MAML2: variants seen among roughly 807,000 people sequenced by gnomAD.
MAML2 encodes mastermind like transcriptional coactivator 2.
In MAML2, 22 loss-of-function variants were observed where a neutral mutation model predicts 96.1. The ratio of observed to expected loss-of-function variants is 0.23; its 90% CI spans 0.16 to 0.33. The LOEUF is 0.33. MAML2 is among the 10% of genes least tolerant of loss of function. The pLI, the probability that MAML2 is intolerant of heterozygous loss-of-function variation, is 1.00. For missense variants in MAML2, 1,367 were observed against 1,392.4 expected (o/e 0.98, Z 0.29); for synonymous variants, 561 against 521.3 (o/e 1.08, Z -1.04).
intron 1 of MAML2, among the ~76,000 whole-genome samples, chr11:96,215,358 C>T (rs1370393248): frequency 6.6e-6 from 1 of 152,188 alleles, no homozygotes; most frequent in African/African-American, 2.4e-5. Context: ...TCTTTAACAC[C>T]AGCATATAAC....
chr11:96,311,205 T>G (rs1057143025), intron 1 of MAML2, among the ~76,000 whole-genome samples: 1 of 152,236 alleles, frequency 6.6e-6, no homozygotes, highest in Non-Finnish European at 1.5e-5. Flanking sequence ...TATGTTTACA[T>G]TGGCTAGGAG....
rs375883407 is a variant in MAML2 at position 96,100,221 on chromosome 11, A to T, written c.514-6704T>A. On this transcript the variant is annotated intron_variant, in intron 1 of 4. Transcript: ENST00000524717. ...ATGAATTTCAGTAACTCGTACTTTC[A>T]CTCCTTCAAGAAAACATGTGAGGTG... Among the ~76,000 whole-genome samples, 25 of 151,172 alleles carry T rather than the reference A, an allele frequency of 1.7e-4. 2 individuals are homozygous for T. In the South Asian group the frequency reaches 5.3e-3, roughly 32 times the overall value.
chr11:96,113,644 G>A (rs369632656), intron 1 of MAML2, among the ~76,000 whole-genome samples: 2 of 150,718 alleles, frequency 1.3e-5, no homozygotes, highest in Non-Finnish European at 3.0e-5. Context: ...AGAAAGGAAC[G>A]TGTTTTTCTA....
intron 2 of MAML2, among the ~76,000 whole-genome samples, chr11:96,002,738 G>T (rs1295906058): frequency 5.5e-5 from 8 of 145,914 alleles, no homozygotes; most frequent in Non-Finnish European, 9.0e-5. Context: ...TGATAAGAAA[G>T]ATGATCGGGA....
At chr11:96,298,917 C>A (rs922936763) in intron 1 of MAML2, among the ~76,000 whole-genome samples, 1 of 145,754 alleles carries the variant, frequency 6.9e-6, no homozygotes, top group Admixed American at 6.9e-5. Context: ...TGGTGGCGGG[C>A]GCCTGTAGTC....
chr11:96,029,907 T>A (rs575107791), intron 2 of MAML2, among the ~76,000 whole-genome samples: 1 of 152,170 alleles, frequency 6.6e-6, no homozygotes, highest in African/African-American at 2.4e-5. Context: ...CTGGAAAAAG[T>A]GTTCAGCTAA....
chr11:96,105,648 T>C (rs1370091716), intron 1 of MAML2, among the ~76,000 whole-genome samples: 1 of 152,232 alleles, frequency 6.6e-6, no homozygotes, highest in Non-Finnish European at 1.5e-5. Context: ...ATATTTTTCT[T>C]ATAGCAACTG....
chr11:96,092,965 A>G lies in MAML2; in HGVS notation c.1066T>C (p.Ser356Pro). 1 of 1,613,526 alleles carries G rather than the reference A, an allele frequency of 6.2e-7. No individual in the cohort carries two copies. The highest frequency in any genetic ancestry group is 1.1e-5 in the South Asian group (1 of 91,026). The change falls in exon 2 of 5, where the codon TCC becomes CCC. Residue 356 changes from serine (S) to proline (P), a missense_variant. Transcript: ENST00000524717. This position sits in a 1 kb window ranked among gnomAD's most constrained non-coding sequence, Gnocchi z 4.1. ...QQSQRSTPRP[S>P]LPMEKIVIKS... ...ATCACTATTTTCTCCATGGGTAAGG[A>G]GGGCCTAGGTGTGCTCCTCTGGCTT...
At chr11:96,047,780 T>G (rs1858925746) in intron 2 of MAML2, among the ~76,000 whole-genome samples, 1 of 150,920 alleles carries the variant, frequency 6.6e-6, no homozygotes, top group Admixed American at 6.6e-5. Context: ...ATGGTGGTGG[T>G]GGGCACCTGT....
intron 2 of MAML2, among the ~76,000 whole-genome samples, chr11:96,061,226 T>TAAGCC (rs1393003385): frequency 1.3e-5 from 2 of 152,354 alleles, no homozygotes; most frequent in East Asian, 3.9e-4. Context: ...GAATTTGTCT[T>TAAGCC]AAGCAAAATG....
chr11:96,322,087 G>C (rs897816321), intron 1 of MAML2, among the ~76,000 whole-genome samples: 16 of 152,228 alleles, frequency 1.1e-4, no homozygotes, highest in African/African-American at 3.9e-4. Flanking sequence ...CTTAAAAATA[G>C]GGTGTTTGAT....
intron 1 of MAML2, among the ~76,000 whole-genome samples, chr11:96,227,087 G>A (rs1862223145): frequency 1.3e-5 from 2 of 152,100 alleles, no homozygotes; most frequent in South Asian, 4.1e-4. Context: ...CGGGGCCCTT[G>A]TACCTGCTAG....
intron 1 of MAML2, among the ~76,000 whole-genome samples, chr11:96,236,911 G>A (rs1445510796): frequency 1.3e-5 from 2 of 152,168 alleles, no homozygotes; most frequent in Non-Finnish European, 2.9e-5. Context: ...AGAAAAAGAT[G>A]CTAGTGAGTG....
chr11:96,239,964 A>G (rs1363305244), intron 1 of MAML2, among the ~76,000 whole-genome samples: 1 of 152,178 alleles, frequency 6.6e-6, no homozygotes, highest in Non-Finnish European at 1.5e-5. Flanking sequence ...GTGGCTGTAG[A>G]GATCATTGAG....
chr11:96,153,898 C>A (rs1860967433), intron 1 of MAML2, among the ~76,000 whole-genome samples: 1 of 150,226 alleles, frequency 6.7e-6, no homozygotes, highest in African/African-American at 2.5e-5. Flanking sequence ...GACAACAGAG[C>A]AAGACTCCGT....
intron 1 of MAML2, among the ~76,000 whole-genome samples, chr11:96,225,791 C>A (rs1006737562): frequency 4.6e-5 from 7 of 151,856 alleles, no homozygotes; most frequent in Admixed American, 4.6e-4. Context: ...CAAAAATGGG[C>A]CACTGTACCC....
chr11:96,044,032 C>T (rs1346273779), intron 2 of MAML2, among the ~76,000 whole-genome samples: 1 of 152,170 alleles, frequency 6.6e-6, no homozygotes, highest in Non-Finnish European at 1.5e-5. Context: ...GTGTGGAGTA[C>T]ACAAAGCCAG....
intron 1 of MAML2, among the ~76,000 whole-genome samples, chr11:96,110,189 T>TA (rs1184899434): frequency 4.0e-5 from 6 of 151,726 alleles, no homozygotes; most frequent in Admixed American, 6.6e-5. Context: ...GGATGGAAGG[T>TA]AAAAAAAGGG....
chr11:96,174,838 C>T (rs2135904276), intron 1 of MAML2, among the ~76,000 whole-genome samples: 1 of 152,356 alleles, frequency 6.6e-6, no homozygotes, highest in South Asian at 2.1e-4. Flanking sequence ...CACCTATGAT[C>T]ATTCAAATCT....
Sources: allele counts gnomAD v4.1 joint callset (sites outside exome capture counted in the v4.1 genomes callset), GRCh38; gene constraint gnomAD v4.1.1; non-coding constraint Gnocchi (gnomAD v3.1); transcripts MANE v1.5; gene names NCBI Gene and HGNC (gene_info 2026-07-23, HGNC 2026-07-21).